Variants in RASEF observed in about 807,000 individuals in gnomAD.
RASEF encodes the protein RAS and EF-hand domain containing.
In RASEF, 68 loss-of-function variants were observed where a neutral mutation model predicts 90.1. The observed-to-expected ratio is 0.75, with a 90% CI of 0.62 to 0.92. The LOEUF (loss-of-function observed/expected upper bound fraction) is 0.92. RASEF is among the 40% of genes least tolerant of loss of function. The probability of loss-of-function intolerance (pLI) is 0.00; values close to 1 mark genes in which losing one functional copy is unlikely to be tolerated. For missense variants in RASEF, 949 were observed against 937.2 expected, an observed-to-expected ratio of 1.01 and a Z score of -0.16; for synonymous variants, 331 against 345.2, an observed-to-expected ratio of 0.96 and a Z score of 0.46.
the RASEF span, among the ~76,000 whole-genome samples, chr9:83,083,710 C>T: frequency 1.3e-5 from 2 of 152,070 alleles, no homozygotes; most frequent in South Asian, 2.1e-4. Flanking sequence ...GTAATGCTGG[C>T]TACATATTTA....
At chr9:83,076,051 C>T in the RASEF span, among the ~76,000 whole-genome samples, 1 of 151,990 alleles carries the variant, frequency 6.6e-6, no homozygotes, top group African/African-American at 2.4e-5. Context: ...GCCTGTAATC[C>T]CAGCTACTCT....
upstream of RASEF, among the ~76,000 whole-genome samples, chr9:83,065,461 C>T (rs1034536486): frequency 5.9e-5 from 9 of 152,134 alleles, no homozygotes; most frequent in Admixed American, 2.0e-4. Context: ...ATGTTCCAAG[C>T]GAGTAAGCCC....
In RASEF at chr9:83,062,511, G is replaced by C. The variant is rs200380008; in HGVS notation, c.357C>G (p.Cys119Trp). Residue 119 changes from cysteine to tryptophan, a missense_variant, in exon 1 of 17, where the codon TGC (cysteine) becomes TGG (tryptophan). Physicochemically the swap from Cys to Trp is radical, Grantham distance 215. This residue lies in a region of RASEF where 656 missense variants were observed against 592.2 expected (regional missense o/e 1.11). Transcript: ENST00000376447. ...AAGCCCGGCCGGGACTCGCCGGGCC[G>C]CACGAGGTGGCCAGCGCCGCCGCCG... Reference protein sequence around the residue: ...EDAAAALATSCGPASPGRAWQ... With the variant: ...EDAAAALATSWGPASPGRAWQ... 1.2e-3 allele frequency: 1,992 copies of C among 1,610,526 alleles called. 16 individuals are homozygous for C. In the African/African-American group the frequency reaches 0.024, roughly 19 times the overall value.
chr9:83,062,743 A>G lies in RASEF; in HGVS notation c.125T>C (p.Val42Ala). The G allele has an allele frequency of 1.3e-6, 2 of 1,568,344 alleles. No homozygotes were observed. The highest frequency in any genetic ancestry group is 8.6e-7 in the Non-Finnish European group (1 of 1,165,726). Reference sequence around the variant, plus strand: ...TACTGCCTCGGCGTCGGCCGGCCGCACCCGCAGCTCCGTGCACAGTGCCCG... The same window carrying G: ...TACTGCCTCGGCGTCGGCCGGCCGCGCCCGCAGCTCCGTGCACAGTGCCCG... ...EFRALCTELRVRPADAEAVFQ... is the reference protein window; with the variant it reads ...EFRALCTELRARPADAEAVFQ... Residue 42 changes from valine (V) to alanine (A), a missense_variant, in exon 1 of 17, where the codon GTG becomes GCG. Transcript: ENST00000376447.
the RASEF span, among the ~76,000 whole-genome samples, chr9:83,104,146 A>G: frequency 6.6e-6 from 1 of 152,224 alleles, no homozygotes; most frequent in African/African-American, 2.4e-5. Flanking sequence ...GACAGAAGAT[A>G]AAGGAAAATA....
intron 4 of RASEF, among the ~76,000 whole-genome samples, chr9:83,014,713 T>C (rs1400898215): frequency 2.6e-5 from 4 of 152,226 alleles, no homozygotes; most frequent in South Asian, 4.1e-4. Context: ...GTGTGTCTAG[T>C]ACAGTGCCGG....
chr9:83,113,629 T>A, the RASEF span, among the ~76,000 whole-genome samples: 1 of 151,658 alleles, frequency 6.6e-6, no homozygotes, highest in African/African-American at 2.4e-5. Flanking sequence ...TTGGGGGAGG[T>A]CTATAGATGG....
At chr9:83,086,496 C>T in the RASEF span, among the ~76,000 whole-genome samples, 84 of 152,180 alleles carry the variant, frequency 5.5e-4, no homozygotes, top group African/African-American at 1.8e-3. Flanking sequence ...CAGCTTAAAA[C>T]CATAACTATG....
At chr9:83,106,041 T>C in the RASEF span, among the ~76,000 whole-genome samples, 4 of 152,262 alleles carry the variant, frequency 2.6e-5, no homozygotes, top group East Asian at 5.8e-4. Flanking sequence ...ACCCAAAATA[T>C]AAGTCTCTGG....
the RASEF span, among the ~76,000 whole-genome samples, chr9:83,214,472 T>C: frequency 2.0e-5 from 3 of 152,338 alleles, no homozygotes; most frequent in Non-Finnish European, 4.4e-5. Flanking sequence ...AATTTTGGGT[T>C]TAAATCCCAG....
chr9:83,180,960 T>A, the RASEF span, among the ~76,000 whole-genome samples: 2 of 151,954 alleles, frequency 1.3e-5, no homozygotes, highest in African/African-American at 4.8e-5. Context: ...TTTGTCTGCC[T>A]CATTTTCTGA....
intron 6 of RASEF, among the ~76,000 whole-genome samples, chr9:83,009,025 C>G (rs929815924): frequency 1.4e-5 from 2 of 145,738 alleles, no homozygotes; most frequent in Non-Finnish European, 3.0e-5. Context: ...ATGTAGTAAA[C>G]GATAATATTT....
At chr9:83,119,601 C>T in the RASEF span, among the ~76,000 whole-genome samples, 7 of 152,136 alleles carry the variant, frequency 4.6e-5, no homozygotes, top group South Asian at 2.1e-4. Context: ...GGCAGCTGCA[C>T]CACTCTCTTT....
At chr9:83,092,910 T>C in the RASEF span, among the ~76,000 whole-genome samples, 1 of 152,028 alleles carries the variant, frequency 6.6e-6, no homozygotes, top group Non-Finnish European at 1.5e-5. Flanking sequence ...AGATACAAAG[T>C]GTCAATTGGT....
intron 8 of RASEF, 25 bp downstream of exon 8, chr9:83,005,388 AAAT>A: frequency 6.6e-7 from 1 of 1,512,674 alleles, no homozygotes. Flanking sequence ...AGAAAGAATG[AAAT>A]ACATGGTAAA....
At position 83,062,645 on chromosome 9, in the gene RASEF, G is replaced by A. The variant is rs1334644376; in HGVS notation, c.223C>T (p.Leu75Phe). 2 of 1,558,084 alleles carry A rather than the reference G, an allele frequency of 1.3e-6. No homozygotes were observed. The highest frequency in any genetic ancestry group is 2.4e-5 in the East Asian group (1 of 42,216). ...CAGTCCCGGCGCCGCCCCCCGCGGAGGGACCCGAGGAAGCCACGCGCGAAC... is the reference window on the plus strand; with the variant it reads ...CAGTCCCGGCGCCGCCCCCCGCGGAAGGACCCGAGGAAGCCACGCGCGAAC... ...QEFARGFLGS[L>F]RGGRRRDWGP... Residue 75 changes from leucine (L) to phenylalanine (F), a missense_variant, in exon 1 of 17, where the codon CTC (leucine) becomes TTC (phenylalanine). Transcript: ENST00000376447.
intron 1 of RASEF, among the ~76,000 whole-genome samples, chr9:83,060,140 ACTGTCCCCAGGGATAAGATTGAGTGC>A (rs1389857215): frequency 6.6e-6 from 1 of 152,102 alleles, no homozygotes; most frequent in Non-Finnish European, 1.5e-5. Context: ...CCTGGGGCAG[ACTGTCCCCAGGGATAAGATTGAGTGC>A]CAGGTGGGAA....
chr9:83,144,391 G>GAAAGAAAGAAAGAAAAGAAA, the RASEF span, among the ~76,000 whole-genome samples: 1 of 33,220 alleles, frequency 3.0e-5, no homozygotes, highest in African/African-American at 1.0e-4. Flanking sequence ...AAGAAAGAAA[G>GAAAGAAAGAAAGAAAAGAAA]GAAAGAAAGA....
chr9:83,118,036 CA>C, the RASEF span, among the ~76,000 whole-genome samples: 3 of 152,014 alleles, frequency 2.0e-5, no homozygotes, highest in Non-Finnish European at 4.4e-5. Flanking sequence ...ACTCAACTGA[CA>C]AATGTGGATG....
Sources: gnomAD v4.1 joint callset for allele counts (sites outside exome capture counted in the v4.1 genomes callset) on GRCh38, gnomAD v4.1.1 for gene constraint, gnomAD v4.1.1 regional missense constraint, MANE v1.5 for transcripts, NCBI Gene and HGNC (gene_info 2026-07-23, HGNC 2026-07-21) for gene names.